Variants in LRRC7 observed in about 807,000 individuals in gnomAD.
LRRC7 encodes the protein leucine-rich repeat-containing protein 7.
Under a neutral mutation model 175.7 loss-of-function variants are expected in LRRC7, and 23 were observed. The observed-to-expected ratio is 0.13, with a 90% CI of 0.09 to 0.19. The LOEUF (loss-of-function observed/expected upper bound fraction) is 0.19, where lower values mean the gene tolerates loss of function less well. Ranked by LOEUF, LRRC7 falls within the 10% of genes least tolerant of loss-of-function variation. The probability of loss-of-function intolerance (pLI) is 1.00; values close to 1 mark genes in which losing one functional copy is unlikely to be tolerated. For missense variants in LRRC7, 1,354 were observed against 1,904.7 expected, an observed-to-expected ratio of 0.71 and a Z score of 5.38; for synonymous variants, 685 against 680.9, an observed-to-expected ratio of 1.01 and a Z score of -0.09.
chr1:69,627,526 C>T (rs1038080622), intron 1 of LRRC7, among the ~76,000 whole-genome samples: 1 of 152,002 alleles, frequency 6.6e-6, no homozygotes, highest in Non-Finnish European at 1.5e-5. Flanking sequence ...CTGTAGGTTG[C>T]CTGTTCAATC....
intron 2 of LRRC7, among the ~76,000 whole-genome samples, chr1:69,740,379 C>T (rs1041254986): frequency 1.3e-5 from 2 of 151,886 alleles, no homozygotes; most frequent in Admixed American, 6.6e-5. Context: ...ATAAGGACAC[C>T]CACCCTTTCA....
At chr1:69,682,827 C>T (rs1267551144) in intron 2 of LRRC7, among the ~76,000 whole-genome samples, 1 of 152,080 alleles carries the variant, frequency 6.6e-6, no homozygotes, top group African/African-American at 2.4e-5. Flanking sequence ...TTTCTATAGT[C>T]CCTCTGGTTA....
intron 4 of LRRC7, among the ~76,000 whole-genome samples, chr1:69,821,270 T>C (rs1404096582): frequency 6.6e-6 from 1 of 152,200 alleles, no homozygotes; most frequent in Non-Finnish European, 1.5e-5. Context: ...TTCATTCCTT[T>C]TCATTCTGTC....
At chr1:69,839,802 A>T (rs989833306) in intron 7 of LRRC7, among the ~76,000 whole-genome samples, 4 of 152,106 alleles carry the variant, frequency 2.6e-5, no homozygotes, top group Non-Finnish European at 5.9e-5. Context: ...ATATCTTTAA[A>T]TATGAATTTT....
chr1:69,835,060 C>A (rs1259592214), intron 6 of LRRC7, among the ~76,000 whole-genome samples, 191 bp downstream of exon 6: 1 of 150,534 alleles, frequency 6.6e-6, no homozygotes, highest in Admixed American at 6.6e-5. Flanking sequence ...CTTTACATGA[C>A]ATTAATAGTC....
intron 1 of LRRC7, among the ~76,000 whole-genome samples, chr1:69,631,295 G>T (rs1310727663): frequency 2.0e-5 from 3 of 151,738 alleles, no homozygotes; most frequent in Admixed American, 2.0e-4. Context: ...TTTTTTTTCT[G>T]CTGTTTTACA....
chr1:69,905,306 T>G (rs1374215750), intron 7 of LRRC7, among the ~76,000 whole-genome samples: 1 of 152,096 alleles, frequency 6.6e-6, no homozygotes, highest in African/African-American at 2.4e-5. Context: ...GTGCACAATG[T>G]GCAGGTTTGT....
chr1:69,648,005 G>T (rs980602474), intron 1 of LRRC7, among the ~76,000 whole-genome samples: 1 of 151,950 alleles, frequency 6.6e-6, no homozygotes, highest in African/African-American at 2.4e-5. Context: ...GTTTTCAAAA[G>T]TTTATCTAGT....
chr1:69,863,220 A>G (rs916930518), intron 7 of LRRC7, among the ~76,000 whole-genome samples: 1 of 152,166 alleles, frequency 6.6e-6, no homozygotes, highest in Non-Finnish European at 1.5e-5. Flanking sequence ...TTTATCATTT[A>G]AATCTCAAAT....
chr1:69,850,458 G>A (rs1301608352), intron 7 of LRRC7, among the ~76,000 whole-genome samples: 1 of 152,080 alleles, frequency 6.6e-6, no homozygotes, highest in Non-Finnish European at 1.5e-5. Context: ...ACAATGAACA[G>A]TCTGACTTCT....
chr1:69,933,771 G>T (rs926060481), intron 8 of LRRC7, among the ~76,000 whole-genome samples: 2 of 152,018 alleles, frequency 1.3e-5, no homozygotes, highest in African/African-American at 4.8e-5. Flanking sequence ...TGAAAAGGGT[G>T]GGTTTATTTT....
intron 11 of LRRC7, among the ~76,000 whole-genome samples, chr1:69,995,766 G>T (rs1181782944): frequency 6.6e-6 from 1 of 152,004 alleles, no homozygotes; most frequent in African/African-American, 2.4e-5. Context: ...GTATTCCATG[G>T]TGTATATGTG....
intron 7 of LRRC7, among the ~76,000 whole-genome samples, chr1:69,908,358 G>T (rs1367758986): frequency 6.6e-6 from 1 of 151,822 alleles, no homozygotes; most frequent in African/African-American, 2.4e-5. Context: ...TGATGTTAGG[G>T]TGTCAATTTT....
At chr1:70,067,362 C>A (rs1337083869) in intron 23 of LRRC7, among the ~76,000 whole-genome samples, 6 of 152,020 alleles carry the variant, frequency 3.9e-5, no homozygotes, top group Non-Finnish European at 8.8e-5. Context: ...CAAACTGGGC[C>A]AGCACCATCT....
chr1:69,659,973 G>A (rs1557559317), intron 1 of LRRC7, among the ~76,000 whole-genome samples: 1 of 151,880 alleles, frequency 6.6e-6, no homozygotes, highest in Non-Finnish European at 1.5e-5. Context: ...CAAGTTATCA[G>A]CAAATCAGAT....
At chr1:69,925,530 AG>A (rs1188065757) in intron 7 of LRRC7, among the ~76,000 whole-genome samples, 5 of 151,926 alleles carry the variant, frequency 3.3e-5, no homozygotes, top group African/African-American at 1.2e-4. Flanking sequence ...TAGTCTTGGG[AG>A]GGTGTATGTG....
intron 7 of LRRC7, among the ~76,000 whole-genome samples, chr1:69,870,059 C>T (rs574460578): frequency 2.0e-5 from 3 of 152,198 alleles, no homozygotes; most frequent in South Asian, 2.1e-4. Context: ...TTTCATCTTA[C>T]GTTACCAAAG....
rs1374660450 is a variant in LRRC7, at chr1:70,141,973, G to GTAT, written c.*20088_*20090dup. On this transcript the variant is annotated 3_prime_UTR_variant, in exon 27 of 27. Coordinates refer to ENST00000651989, the MANE Select transcript of LRRC7 (RefSeq NM_001370785.2). The stretch of plus-strand genomic sequence containing the variant: ...ACAAATGGACAAAAGAAATCACATT[G>GTAT]TATTTCTTTGTATCTCTCCATTCCT... 1 of 151,936 alleles carries GTAT rather than the reference G, an allele frequency of 6.6e-6. No homozygotes were observed. The highest frequency in any genetic ancestry group is 6.6e-5 in the Admixed American group (1 of 15,222). 9.4% of individuals were successfully genotyped at this position (151,936 alleles called of 1,614,324 possible). A position where few individuals can be genotyped will look rare whatever the true frequency, so the allele number is the denominator to read the frequency against.
chr1:69,723,475 C>T (rs1055156097), intron 2 of LRRC7, among the ~76,000 whole-genome samples: 1 of 152,126 alleles, frequency 6.6e-6, no homozygotes, highest in Non-Finnish European at 1.5e-5. Context: ...GCCAGAAGTC[C>T]TTCCGACTTC....
Sources: gnomAD v4.1 joint callset for allele counts (sites outside exome capture counted in the v4.1 genomes callset) on GRCh38, gnomAD v4.1.1 for gene constraint, MANE v1.5 for transcripts, NCBI Gene and HGNC (gene_info 2026-07-23, HGNC 2026-07-21) for gene names.